GABRB3: variants seen among roughly 807,000 people sequenced by gnomAD.
GABRB3 encodes the protein gamma-aminobutyric acid receptor subunit beta-3.
Under a neutral mutation model 52.1 loss-of-function variants are expected in GABRB3, and 14 were observed. The observed-to-expected ratio is 0.27, with a 90% CI of 0.18 to 0.42. GABRB3 has a LOEUF of 0.42. GABRB3 is among the 10% of genes least tolerant of loss of function. The probability of loss-of-function intolerance (pLI) is 1.00; values close to 1 mark genes in which losing one functional copy is unlikely to be tolerated. For synonymous variants in GABRB3, 260 were observed against 232.3 expected (o/e 1.12, Z -1.08); for missense variants, 307 against 609.1 (o/e 0.50, Z 5.22).
At chr15:26,707,065 C>T (rs1359055821) in intron 3 of GABRB3, among the ~76,000 whole-genome samples, 1 of 152,102 alleles carries the variant, frequency 6.6e-6, no homozygotes, top group African/African-American at 2.4e-5. Context: ...GGGAAAGAAT[C>T]GGGGAAATAC....
chr15:26,592,102 G>A (rs898419984), intron 4 of GABRB3, among the ~76,000 whole-genome samples: 2 of 152,184 alleles, frequency 1.3e-5, no homozygotes, highest in African/African-American at 2.4e-5. Flanking sequence ...AGGCTTGAAC[G>A]TAAGCTGTCA....
At chr15:26,719,858 G>T (rs565987961) in intron 3 of GABRB3, among the ~76,000 whole-genome samples, 2 of 152,274 alleles carry the variant, frequency 1.3e-5, no homozygotes, top group East Asian at 3.9e-4. Context: ...TCCCAAACCT[G>T]ACTGGTCATT....
chr15:26,594,178 A>G (rs1295090888), intron 4 of GABRB3, among the ~76,000 whole-genome samples: 1 of 151,582 alleles, frequency 6.6e-6, no homozygotes, highest in East Asian at 2.0e-4. Context: ...GAGATTATTT[A>G]AAGTCTTTAT....
chr15:26,656,419 C>G (rs1480877526), intron 3 of GABRB3, among the ~76,000 whole-genome samples: 1 of 152,216 alleles, frequency 6.6e-6, no homozygotes, highest in East Asian at 1.9e-4. Context: ...TTGCTGCAAA[C>G]TTACGATTTT....
chr15:26,706,194 A>G (rs1185957014), intron 3 of GABRB3, among the ~76,000 whole-genome samples: 1 of 152,186 alleles, frequency 6.6e-6, no homozygotes, highest in Non-Finnish European at 1.5e-5. Context: ...GGCTCTATCC[A>G]CCTTCGAAAC....
At chr15:26,571,909 G>C (rs1253147472) in intron 6 of GABRB3, among the ~76,000 whole-genome samples, 2 of 151,972 alleles carry the variant, frequency 1.3e-5, no homozygotes, top group Admixed American at 6.6e-5. Context: ...TTAGCCAGGC[G>C]TGGTGGCGGG....
chr15:26,693,553 C>T (rs1319674071), intron 3 of GABRB3, among the ~76,000 whole-genome samples: 1 of 152,118 alleles, frequency 6.6e-6, no homozygotes, highest in Non-Finnish European at 1.5e-5. Context: ...TTTCTGCCTC[C>T]CACTCCAACA....
At chr15:26,638,739 A>C (rs1193123929) in intron 3 of GABRB3, among the ~76,000 whole-genome samples, 1 of 152,152 alleles carries the variant, frequency 6.6e-6, no homozygotes, top group Non-Finnish European at 1.5e-5. Flanking sequence ...TTTGCATGTA[A>C]TCAGTCTTCA....
intron 6 of GABRB3, among the ~76,000 whole-genome samples, chr15:26,568,546 G>T (rs1216380397): frequency 3.4e-5 from 5 of 145,836 alleles, no homozygotes; most frequent in African/African-American, 1.3e-4. Context: ...CACCCAGGCT[G>T]GAGGGCAGTG....
At chr15:26,690,122 G>A (rs374739495) in intron 3 of GABRB3, among the ~76,000 whole-genome samples, 1 of 40,424 alleles carries the variant, frequency 2.5e-5, no homozygotes, top group East Asian at 1.1e-3. Context: ...TTTTTTTTTT[G>A]AGACAAGGTC....
At chr15:26,549,422 C>T (rs1889376576) in intron 8 of GABRB3, among the ~76,000 whole-genome samples, 1 of 152,040 alleles carries the variant, frequency 6.6e-6, no homozygotes, top group Non-Finnish European at 1.5e-5. Context: ...TGGAAAGGCA[C>T]CAAAGAGGAC....
chr15:26,605,454 C>T (rs1891754006), intron 4 of GABRB3, among the ~76,000 whole-genome samples: 1 of 152,176 alleles, frequency 6.6e-6, no homozygotes, highest in African/African-American at 2.4e-5. Flanking sequence ...GAAGAATTAT[C>T]TGCATTTCCA....
rs1459111891 is a variant in GABRB3, at chr15:26,763,841, T to C, written c.240+8561A>G. On this transcript the variant is annotated intron_variant, in intron 3 of 8. Transcript: ENST00000311550. ...CAGATTTTGTAATCTTTAAAGTTAA[T>C]ACAAAATAAAATAAAACAAATGGAC... Among the ~76,000 whole-genome samples the C allele has an allele frequency of 2.0e-5, 3 of 152,036 alleles. No individual in the cohort carries two copies. The South Asian group carries it at 6.2e-4, about 32-fold the overall frequency.
Position 26,754,906 on chromosome 15 carries a change from G to T in GABRB3, c.240+17496C>A, listed in dbSNP as rs748429875. Among the ~76,000 whole-genome samples, 8 of 152,240 alleles carry T rather than the reference G, an allele frequency of 5.3e-5. No individual in the cohort carries two copies. The South Asian group carries it at 8.3e-4, about 16-fold the overall frequency. ...ACCCGAGGGGTCGAGGCTCGGCTCA[G>T]CCGTGGAGATAAAACACAGGATTAA... On this transcript the variant is annotated intron_variant, in intron 3 of 8. Coordinates refer to ENST00000311550, the MANE Select transcript of GABRB3 (RefSeq NM_000814.6).
intron 3 of GABRB3, among the ~76,000 whole-genome samples, chr15:26,763,121 T>C (rs1890864725): frequency 1.3e-5 from 2 of 152,150 alleles, no homozygotes; most frequent in Admixed American, 1.3e-4. Flanking sequence ...ACTCTGAGCC[T>C]TCAGTGTGTA....
At chr15:26,608,102 C>CAAAA (rs60028329) in intron 4 of GABRB3, among the ~76,000 whole-genome samples, 33 of 120,334 alleles carry the variant, frequency 2.7e-4, no homozygotes, top group East Asian at 1.1e-3. Flanking sequence ...ATGGTACTGG[C>CAAAA]AAAAAAAAAA....
chr15:26,615,208 C>T, intron 4 of GABRB3: 1 of 854,424 alleles, frequency 1.2e-6, no homozygotes. Context: ...AACAGAAAAG[C>T]TGTGACTGGG....
intron 4 of GABRB3, among the ~76,000 whole-genome samples, chr15:26,601,189 C>T (rs751805371): frequency 6.6e-6 from 1 of 151,946 alleles, no homozygotes; most frequent in South Asian, 2.1e-4. Flanking sequence ...TTTGGGAGGC[C>T]GAGGCGGGCA....
rs945770039 is a variant in GABRB3, at chr15:26,710,255, T to TTTTTG, written c.240+62142_240+62146dup. On this transcript the variant is annotated intron_variant, in intron 3 of 8. Coordinates refer to ENST00000311550, the MANE Select transcript of GABRB3 (RefSeq NM_000814.6). Reference sequence around the variant, plus strand: ...GAAATCGTGTGGCATATAATTTGTTTTTTTGTTTTGTTTTGTTTTGTTTGA... The same window carrying TTTTTG: ...GAAATCGTGTGGCATATAATTTGTTTTTTTGTTTTGTTTTGTTTTGTTTTGTTTGA... Among the ~76,000 whole-genome samples the TTTTTG allele has an allele frequency of 1.1e-4, 16 of 152,232 alleles. No homozygotes were observed. In the East Asian group the frequency reaches 1.2e-3, roughly 11 times the overall value.
Sources: gnomAD v4.1 joint callset for allele counts (sites outside exome capture counted in the v4.1 genomes callset) on GRCh38, gnomAD v4.1.1 for gene constraint, MANE v1.5 for transcripts, NCBI Gene and HGNC (gene_info 2026-07-23, HGNC 2026-07-21) for gene names.